The following GAS7 variants were observed in gnomAD, a reference collection of about 807,000 sequenced individuals.
The protein encoded by GAS7 is growth arrest-specific protein 7.
A neutral mutation model predicts 71.1 loss-of-function variants in GAS7; 28 were observed. That is an observed-to-expected ratio of 0.39 (90% CI 0.29 to 0.54). The LOEUF (loss-of-function observed/expected upper bound fraction) is 0.54. GAS7 is among the 20% of genes least tolerant of loss of function. The probability of loss-of-function intolerance (pLI) is 0.62; values close to 1 mark genes in which losing one functional copy is unlikely to be tolerated. For missense variants in GAS7, 436 were observed against 627.8 expected (o/e 0.69, Z 3.27); for synonymous variants, 258 against 245.8 (o/e 1.05, Z -0.46).
In GAS7 at chr17:9,914,905, A is replaced by G. The variant is rs931510007; in HGVS notation, c.*2323T>C. ...AAAACTTAAATTCTGTAGAGTGCCT[A>G]TGTATCAATGCCAAGGTTGCTGACC... is the stretch of plus-strand genomic sequence containing the variant. On this transcript the variant is annotated 3_prime_UTR_variant, in exon 14 of 14. Transcript: ENST00000432992. 1 of 232,076 alleles carries G rather than the reference A, an allele frequency of 4.3e-6. No individual in the cohort carries two copies. The highest frequency in any genetic ancestry group is 8.5e-6 in the Non-Finnish European group (1 of 117,294). The allele number at this position is 232,076 out of a possible 1,614,324, so 14.4% of individuals were successfully genotyped here.
chr17:9,920,190 T>TGTG (rs1326419625), intron 11 of GAS7, among the ~76,000 whole-genome samples: 1 of 152,052 alleles, frequency 6.6e-6, no homozygotes, highest in Non-Finnish European at 1.5e-5. Flanking sequence ...TAAGTGTGTG[T>TGTG]GTGTGTGTGT....
At chr17:9,944,189 C>T (rs1045732883) in intron 6 of GAS7, among the ~76,000 whole-genome samples, 3 of 152,236 alleles carry the variant, frequency 2.0e-5, no homozygotes, top group African/African-American at 7.2e-5. Flanking sequence ...TTCACCCACA[C>T]ATCTGCCCGC....
rs112364166 is a variant in GAS7, at chr17:10,042,257, C to G, written c.184-22360G>C. On this transcript the variant is annotated intron_variant, in intron 1 of 13. Coordinates refer to ENST00000432992, the MANE Select transcript of GAS7 (RefSeq NM_201433.2). The stretch of plus-strand genomic sequence containing the variant: ...TTGCAGTGAGCTGAGATAGTGCCAC[C>G]GCACTCCGGCCTGGGTGACAGAGCG... Among the ~76,000 whole-genome samples the G allele has an allele frequency of 6.8e-3, 1,003 of 147,368 alleles. 3 individuals carry two copies. The highest frequency in any genetic ancestry group is 0.021 in the Middle Eastern group (6 of 286).
At chr17:10,041,866 T>A (rs149846937) in intron 1 of GAS7, among the ~76,000 whole-genome samples, 141 of 152,334 alleles carry the variant, frequency 9.3e-4, no homozygotes, top group African/African-American at 3.3e-3. Context: ...TGAGTTTTCC[T>A]GAGTTCAACG....
chr17:9,987,256 G>T (rs2070683523), intron 2 of GAS7, among the ~76,000 whole-genome samples: 2 of 152,210 alleles, frequency 1.3e-5, no homozygotes, highest in African/African-American at 2.4e-5. Context: ...CAGAGTGGAA[G>T]AAGTGAGATG....
chr17:10,033,329 CAG>C (rs139246460), intron 1 of GAS7, among the ~76,000 whole-genome samples: 4 of 150,904 alleles, frequency 2.7e-5, no homozygotes, highest in Admixed American at 1.3e-4. Context: ...TGGTATGGCC[CAG>C]AGAGAGAGAG....
chr17:10,157,183 G>A (rs117210825), intron 1 of GAS7, among the ~76,000 whole-genome samples: 7,856 of 152,124 alleles, frequency 0.052, 306 homozygotes, highest in Admixed American at 0.14. Flanking sequence ...AAACACCCAC[G>A]GCTTACAAAC....
intron 2 of GAS7, among the ~76,000 whole-genome samples, chr17:9,984,021 G>T (rs1167044800): frequency 2.6e-5 from 4 of 151,976 alleles, no homozygotes; most frequent in South Asian, 2.1e-4. Context: ...TCCACCCAAG[G>T]GAGATACTGT....
intron 1 of GAS7, among the ~76,000 whole-genome samples, chr17:10,062,475 A>G (rs1269812525): frequency 2.0e-5 from 3 of 152,072 alleles, no homozygotes; most frequent in Admixed American, 6.5e-5. Flanking sequence ...ACAGAGTGAG[A>G]CTCTGTCTCA....
At chr17:10,156,356 A>G (rs1347469697) in intron 1 of GAS7, among the ~76,000 whole-genome samples, 2 of 152,184 alleles carry the variant, frequency 1.3e-5, no homozygotes, top group Non-Finnish European at 2.9e-5. Context: ...TTTATGAACA[A>G]GATCCCCCAC....
At chr17:9,947,619 G>A (rs1017212301) in intron 5 of GAS7, among the ~76,000 whole-genome samples, 4 of 151,946 alleles carry the variant, frequency 2.6e-5, no homozygotes, top group Non-Finnish European at 4.4e-5. Context: ...TGGCGCATGC[G>A]TGTAATCCCA....
At position 9,916,303 on chromosome 17, in the gene GAS7, C is replaced by A; in HGVS notation, c.*925G>T. The A allele has an allele frequency of 4.3e-6, 1 of 233,302 alleles. No individual in the cohort carries two copies. Among genetic ancestry groups the A allele is most frequent in the Non-Finnish European group, 8.5e-6 (1 of 118,054 alleles). 14.5% of individuals were successfully genotyped at this position (233,302 alleles called of 1,614,324 possible). The stretch of plus-strand genomic sequence containing the variant: ...TGGGGGCCAGGGCAGCCCAAAGGTG[C>A]ACAGGGCACCGTGGCGGACAGGCCC... On this transcript the variant is annotated 3_prime_UTR_variant, in exon 14 of 14. Coordinates refer to ENST00000432992, the MANE Select transcript of GAS7 (RefSeq NM_201433.2).
At chr17:10,093,033 T>G (rs1469365511) in intron 1 of GAS7, among the ~76,000 whole-genome samples, 2 of 152,196 alleles carry the variant, frequency 1.3e-5, no homozygotes, top group Non-Finnish European at 2.9e-5. Flanking sequence ...GACCTGAATA[T>G]CTGTAGGAGC....
intron 1 of GAS7, among the ~76,000 whole-genome samples, chr17:10,048,433 C>T (rs1358915544): frequency 1.3e-5 from 2 of 152,216 alleles, no homozygotes; most frequent in East Asian, 3.8e-4. Context: ...GGCTAGAGAG[C>T]TCTTTCTACT....
At chr17:10,184,586 T>C (rs1197030679) in intron 1 of GAS7, among the ~76,000 whole-genome samples, 2 of 152,186 alleles carry the variant, frequency 1.3e-5, no homozygotes, top group Admixed American at 6.5e-5. Flanking sequence ...CTGGAAGCAG[T>C]GGCATCACCT....
rs1393972820 is a variant in GAS7 at position 9,919,196 on chromosome 17, G to A, written c.1218+430C>T. On this transcript the variant is annotated intron_variant, in intron 12 of 13. Coordinates refer to ENST00000432992, the MANE Select transcript of GAS7 (RefSeq NM_201433.2). The surrounding 1 kb of genome is among the most constrained non-coding windows in gnomAD (Gnocchi z 5.0). ...GGTGAGAGGCCTCCCCCACCCCACT[G>A]CCTAGCTCCATCCTCACCCATCCAT... Among the ~76,000 whole-genome samples the A allele has an allele frequency of 1.3e-5, 2 of 152,030 alleles. No homozygotes were observed. Among genetic ancestry groups the A allele is most frequent in the Non-Finnish European group, 2.9e-5 (2 of 67,978 alleles).
At chr17:9,990,365 G>A (rs981305606) in intron 2 of GAS7, among the ~76,000 whole-genome samples, 11 of 152,332 alleles carry the variant, frequency 7.2e-5, no homozygotes, top group East Asian at 1.9e-4. Flanking sequence ...TGCTGACTTC[G>A]CCCAGAGCGA....
intron 1 of GAS7, among the ~76,000 whole-genome samples, chr17:10,033,531 C>T (rs977578763): frequency 6.6e-6 from 1 of 152,212 alleles, no homozygotes; most frequent in African/African-American, 2.4e-5. Context: ...AAGTTGCTAG[C>T]TGGATCAGTA....
intron 1 of GAS7, among the ~76,000 whole-genome samples, chr17:10,082,640 T>G (rs1321294310): frequency 5.9e-5 from 9 of 152,236 alleles, no homozygotes; most frequent in Admixed American, 4.6e-4. Flanking sequence ...ATTTCACTCC[T>G]ACGTACTTAT....
Sources: allele counts gnomAD v4.1 joint callset (sites outside exome capture counted in the v4.1 genomes callset), GRCh38; gene constraint gnomAD v4.1.1; non-coding constraint Gnocchi (gnomAD v3.1); transcripts MANE v1.5; gene names NCBI Gene and HGNC (gene_info 2026-07-23, HGNC 2026-07-21).